VWA3B: variants seen among roughly 807,000 people sequenced by gnomAD.
VWA3B encodes the protein von Willebrand factor A domain-containing protein 3B.
A neutral mutation model predicts 158.3 loss-of-function variants in VWA3B; 138 were observed. That is an observed-to-expected ratio of 0.87 (90% CI 0.76 to 1.00). The LOEUF (loss-of-function observed/expected upper bound fraction) is 1.00. Among genes scored for constraint, VWA3B ranks in the 50% least tolerant of loss-of-function variants. The probability of loss-of-function intolerance (pLI) is 0.00; values close to 1 mark genes in which losing one functional copy is unlikely to be tolerated. For synonymous variants in VWA3B, 596 were observed against 587.3 expected (o/e 1.01, Z -0.21); for missense variants, 1,555 against 1,565.1 (o/e 0.99, Z 0.11).
At chr2:98,268,709 A>G (rs563929919) in intron 21 of VWA3B, among the ~76,000 whole-genome samples, 1 of 148,390 alleles carries the variant, frequency 6.7e-6, no homozygotes, top group African/African-American at 2.5e-5. Flanking sequence ...TAATTAGTAT[A>G]TTAAGGAGAC....
At chr2:98,218,112 GA>G (rs1350404960) in intron 14 of VWA3B, 84 bp downstream of exon 14, 1 of 1,400,250 alleles carries the variant, frequency 7.1e-7, no homozygotes, top group Non-Finnish European at 9.6e-7. Flanking sequence ...CCTTCGTTGG[GA>G]AAATAGCAAC....
intron 22 of VWA3B, among the ~76,000 whole-genome samples, chr2:98,276,648 G>A (rs1233948275): frequency 3.4e-5 from 5 of 147,186 alleles, no homozygotes; most frequent in African/African-American, 1.3e-4. Context: ...GAGGGCTGTG[G>A]CCATTGCGTT....
At chr2:98,158,755 G>A (rs1055438907) in intron 7 of VWA3B, among the ~76,000 whole-genome samples, 1 of 151,966 alleles carries the variant, frequency 6.6e-6, no homozygotes, top group East Asian at 1.9e-4. Flanking sequence ...AGGGTGGGAC[G>A]GGGTGGGTGC....
intron 12 of VWA3B, 40 bp from the exon 13 acceptor site, chr2:98,211,890 T>G: frequency 6.5e-7 from 1 of 1,542,750 alleles, no homozygotes; most frequent in Non-Finnish European, 8.9e-7. Context: ...AATTCTTTTT[T>G]GGGATTCAAG....
chr2:98,250,710 G>A (rs1686745805), intron 20 of VWA3B, among the ~76,000 whole-genome samples: 1 of 151,884 alleles, frequency 6.6e-6, no homozygotes, highest in Non-Finnish European at 1.5e-5. Flanking sequence ...TCACAACAAG[G>A]TGATTGCAAT....
At chr2:98,163,491 T>C (rs1678812232) in intron 8 of VWA3B, among the ~76,000 whole-genome samples, 1 of 152,096 alleles carries the variant, frequency 6.6e-6, no homozygotes, top group Admixed American at 6.5e-5. Context: ...TGAGCCGAGA[T>C]CGTGCCACTG....
At chr2:98,167,207 G>C (rs1001924570) in intron 8 of VWA3B, among the ~76,000 whole-genome samples, 1 of 152,154 alleles carries the variant, frequency 6.6e-6, no homozygotes, top group Non-Finnish European at 1.5e-5. Flanking sequence ...AGGTCACCTG[G>C]CACATACAGG....
intron 7 of VWA3B, among the ~76,000 whole-genome samples, chr2:98,151,082 G>C (rs374244085): frequency 6.6e-6 from 1 of 151,774 alleles, no homozygotes; most frequent in African/African-American, 2.4e-5. Context: ...CCTGCAGTTT[G>C]ATTAACATGG....
At chr2:98,171,082 G>A (rs1359334736) in intron 8 of VWA3B, among the ~76,000 whole-genome samples, 2 of 152,228 alleles carry the variant, frequency 1.3e-5, no homozygotes, top group Non-Finnish European at 2.9e-5. Context: ...GAAATGTGCT[G>A]TCACATAGTT....
intron 1 of VWA3B, among the ~76,000 whole-genome samples, chr2:98,091,399 A>G (rs1325538052): frequency 6.6e-6 from 1 of 152,226 alleles, no homozygotes; most frequent in Non-Finnish European, 1.5e-5. Flanking sequence ...AAAAGGACCA[A>G]CAAATGGAAG....
At chr2:98,163,039 G>A in intron 8 of VWA3B, 63 bp downstream of exon 8, 1 of 1,595,888 alleles carries the variant, frequency 6.3e-7, no homozygotes, top group South Asian at 1.1e-5. Flanking sequence ...GGGGACCAGG[G>A]GCTGCTTCCA....
rs369480920 is a variant in VWA3B at position 98,156,876 on chromosome 2, G to A, written c.989-5975G>A. Among the ~76,000 whole-genome samples the A allele has an allele frequency of 1.3e-4, 19 of 151,998 alleles. No individual in the cohort carries two copies. In the East Asian group the frequency reaches 1.9e-3, roughly 15 times the overall value. ...ATTATTTCTCTGTCTCCTTCCCTGGGTCTTTATGGTCTACTAGCCCCATAG... is the reference window on the plus strand; with the variant it reads ...ATTATTTCTCTGTCTCCTTCCCTGGATCTTTATGGTCTACTAGCCCCATAG... On this transcript the variant is annotated intron_variant, in intron 7 of 27. Coordinates refer to ENST00000477737, the MANE Select transcript of VWA3B (RefSeq NM_144992.5).
At chr2:98,111,341 C>T (rs1674119442) in intron 2 of VWA3B, among the ~76,000 whole-genome samples, 1 of 152,000 alleles carries the variant, frequency 6.6e-6, no homozygotes, top group Non-Finnish European at 1.5e-5. Context: ...ATATATAAAC[C>T]ACATTTTAAA....
chr2:98,255,700 A>G (rs1356863597), intron 20 of VWA3B, among the ~76,000 whole-genome samples: 4 of 152,116 alleles, frequency 2.6e-5, no homozygotes, highest in East Asian at 1.9e-4. Context: ...GTGTGTCCCA[A>G]TCCTATTATT....
intron 22 of VWA3B, among the ~76,000 whole-genome samples, chr2:98,276,882 G>A (rs148413073): frequency 3.8e-4 from 58 of 152,114 alleles, no homozygotes; most frequent in Non-Finnish European, 7.1e-4. Flanking sequence ...GCCCTCCCCC[G>A]CCCCATAGCT....
rs373682526 is a variant in VWA3B, at chr2:98,158,510, C to T, written c.989-4341C>T. 3.2e-4 allele frequency among the ~76,000 whole-genome samples: 49 copies of T among 152,298 alleles called. No homozygotes were observed. The East Asian group carries it at 5.4e-3, about 17-fold the overall frequency. ...AAGGTCATGCACAGAATGATGTCAC[C>T]ATCACAGGCTTCTAGTTCTTTGTGT... On this transcript the variant is annotated intron_variant, in intron 7 of 27. Transcript: ENST00000477737.
downstream of VWA3B, chr2:98,313,353 G>A (rs1334619265): frequency 6.6e-6 from 1 of 152,146 alleles, no homozygotes; most frequent in Non-Finnish European, 1.5e-5. Context: ...GGAAGGAACT[G>A]AAGAGTGAGG....
rs146045882 is a variant in VWA3B at position 98,301,496 on chromosome 2, G to A, written c.3420+1280G>A. ...GGGTGATTGTGAGGCTTGAAGAAAA[G>A]ACATGTAAAAGATGTAAAAGATCTG... On this transcript the variant is annotated intron_variant, in intron 25 of 27. Coordinates refer to ENST00000477737, the MANE Select transcript of VWA3B (RefSeq NM_144992.5). Among the ~76,000 whole-genome samples, 491 of 152,326 alleles carry A rather than the reference G, an allele frequency of 3.2e-3. 2 individuals carry two copies. The highest frequency in any genetic ancestry group is 5.7e-3 in the Non-Finnish European group (390 of 68,032).
At position 98,135,581 on chromosome 2, in the gene VWA3B, C is replaced by T. The variant is rs538751222; in HGVS notation, c.988+1642C>T. On this transcript the variant is annotated intron_variant, in intron 7 of 27. Coordinates refer to ENST00000477737, the MANE Select transcript of VWA3B (RefSeq NM_144992.5). ...CGATCTCCTGACCTCGTGATCCGCC[C>T]GCCTCGGCCTCCCAAAGTGCTGGGA... Among the ~76,000 whole-genome samples the T allele has an allele frequency of 1.3e-4, 20 of 151,890 alleles. 1 individual carries two copies. The South Asian group carries it at 3.1e-3, about 24-fold the overall frequency.
Sources: allele counts gnomAD v4.1 joint callset (sites outside exome capture counted in the v4.1 genomes callset), GRCh38; gene constraint gnomAD v4.1.1; transcripts MANE v1.5; gene names NCBI Gene and HGNC (gene_info 2026-07-23, HGNC 2026-07-21).